Variants in DKK2 observed in about 807,000 individuals in gnomAD.
DKK2 encodes the protein dickkopf Wnt signaling pathway inhibitor 2.
A neutral mutation model predicts 28.1 loss-of-function variants in DKK2; 11 were observed. The ratio of observed to expected loss-of-function variants is 0.39; its 90% CI spans 0.25 to 0.65. The LOEUF (loss-of-function observed/expected upper bound fraction) is 0.65. Among genes scored for constraint, DKK2 ranks in the 30% least tolerant of loss-of-function variants. The pLI, the probability that DKK2 is intolerant of heterozygous loss-of-function variation, is 0.47. For missense variants in DKK2, 326 were observed against 335.5 expected (o/e 0.97, Z 0.22); for synonymous variants, 135 against 126.5 (o/e 1.07, Z -0.45).
chr4:106,949,572 G>T (rs1209790787), intron 1 of DKK2, among the ~76,000 whole-genome samples: 2 of 152,124 alleles, frequency 1.3e-5, no homozygotes, highest in Non-Finnish European at 2.9e-5. Context: ...TGACTGAGAG[G>T]CAGAATTTTA....
At chr4:107,025,329 T>A (rs1315697308) in intron 1 of DKK2, among the ~76,000 whole-genome samples, 3 of 152,150 alleles carry the variant, frequency 2.0e-5, no homozygotes, top group Admixed American at 6.6e-5. Context: ...GATTTACATT[T>A]AAAAAATTTT....
rs941013716 is a variant in DKK2, at chr4:106,922,927, A to T, written c.*1027T>A. The T allele has an allele frequency of 6.6e-6, 1 of 152,206 alleles. No homozygotes were observed. The highest frequency in any genetic ancestry group is 2.4e-5 in the African/African-American group (1 of 41,474). The allele number at this position is 152,206 out of a possible 1,614,324, so 9.4% of individuals were successfully genotyped here. A position where few individuals can be genotyped will look rare whatever the true frequency, so the allele number is the denominator to read the frequency against. Reference sequence around the variant, plus strand: ...TCTTGCTTACTCCAGTGCAGTACAGATCCAGCTCAAGTCTCTATTACCACA... The same window carrying T: ...TCTTGCTTACTCCAGTGCAGTACAGTTCCAGCTCAAGTCTCTATTACCACA... On this transcript the variant is annotated 3_prime_UTR_variant, in exon 4 of 4. Transcript: ENST00000285311.
intron 1 of DKK2, among the ~76,000 whole-genome samples, chr4:107,015,865 C>A (rs531027941): frequency 6.6e-6 from 1 of 151,828 alleles, no homozygotes; most frequent in South Asian, 2.1e-4. Flanking sequence ...AAAGCAGATG[C>A]CTTTGTTTGC....
intron 1 of DKK2, among the ~76,000 whole-genome samples, chr4:106,941,961 A>T (rs970990692): frequency 1.3e-5 from 2 of 152,160 alleles, no homozygotes; most frequent in Admixed American, 6.6e-5. Context: ...TCCTACCAGC[A>T]TAAATTAATT....
intron 1 of DKK2, among the ~76,000 whole-genome samples, chr4:106,953,496 A>C (rs1722528496): frequency 6.6e-6 from 1 of 152,184 alleles, no homozygotes; most frequent in Non-Finnish European, 1.5e-5. Flanking sequence ...GGAGCAAAGA[A>C]GGCTTTAACC....
rs567834764 is a variant in DKK2 at position 107,013,533 on chromosome 4, C to A, written c.222+21837G>T. Among the ~76,000 whole-genome samples, 32 of 151,390 alleles carry A rather than the reference C, an allele frequency of 2.1e-4. No homozygotes were observed. In the South Asian group the frequency reaches 6.2e-3, roughly 29 times the overall value. ...GACTATCTCTCACATACATAAAAAT[C>A]AACTTAGAATGGATTAACTACTTAA... On this transcript the variant is annotated intron_variant, in intron 1 of 3. Transcript: ENST00000285311.
rs1044773213 is a variant in DKK2 at position 106,973,002 on chromosome 4, T to A, written c.223-47053A>T. 5.9e-5 allele frequency among the ~76,000 whole-genome samples: 9 copies of A among 152,276 alleles called. 1 individual carries two copies. The highest frequency in any genetic ancestry group is 5.9e-4 in the Admixed American group (9 of 15,280). On this transcript the variant is annotated intron_variant, in intron 1 of 3. Transcript: ENST00000285311. ...AGAACACATGGTGTTTTGTTTTCTG[T>A]TCCTGTGTTACTTTGCTGAGAATGA...
intron 1 of DKK2, among the ~76,000 whole-genome samples, chr4:106,929,696 T>C (rs1369970587): frequency 1.3e-5 from 2 of 152,206 alleles, no homozygotes; most frequent in African/African-American, 4.8e-5. Context: ...GAAAAACACA[T>C]TGGACACATT....
At chr4:106,973,005 CTG>C (rs1479626044) in intron 1 of DKK2, among the ~76,000 whole-genome samples, 1 of 152,010 alleles carries the variant, frequency 6.6e-6, no homozygotes, top group African/African-American at 2.4e-5. Context: ...TTTTCTGTTC[CTG>C]TGTTACTTTG....
rs145358591 is a variant in DKK2, at chr4:106,927,066, GA to G, written c.223-1118del. Among the ~76,000 whole-genome samples, 693 of 151,936 alleles carry G rather than the reference GA, an allele frequency of 4.6e-3. 4 individuals carry two copies. Among genetic ancestry groups the G allele is most frequent in the African/African-American group, 0.016 (663 of 41,412 alleles). ...CAGAGTAATAGATGATTTTTTAATT[GA>G]AAATACAAAATATAAAATAAGCTAT... is the stretch of plus-strand genomic sequence containing the variant. On this transcript the variant is annotated intron_variant, in intron 1 of 3. Transcript: ENST00000285311.
intron 1 of DKK2, among the ~76,000 whole-genome samples, chr4:107,030,191 A>G (rs554851360): frequency 6.6e-6 from 1 of 152,204 alleles, no homozygotes; most frequent in South Asian, 2.1e-4. Context: ...AGAACCTACC[A>G]AATGCTGTAT....
At chr4:106,953,935 A>C (rs1722541057) in intron 1 of DKK2, among the ~76,000 whole-genome samples, 1 of 152,288 alleles carries the variant, frequency 6.6e-6, no homozygotes, top group Admixed American at 6.5e-5. Flanking sequence ...GGTGAGGAAA[A>C]TCCAGGTCTT....
intron 1 of DKK2, among the ~76,000 whole-genome samples, chr4:106,929,134 T>G (rs778748954): frequency 2.0e-5 from 3 of 152,216 alleles, no homozygotes; most frequent in African/African-American, 7.2e-5. Context: ...AAGCAACAAA[T>G]AAGCTTGAAT....
At chr4:106,947,765 ACTAGGCTCAAGCAATCCTCCC>A (rs1357298489) in intron 1 of DKK2, among the ~76,000 whole-genome samples, 1 of 149,846 alleles carries the variant, frequency 6.7e-6, no homozygotes, top group Non-Finnish European at 1.5e-5. Context: ...ACCTCGAACT[ACTAGGCTCAAGCAATCCTCCC>A]CTCTCAGTCT....
At chr4:106,972,955 G>T (rs79339570) in intron 1 of DKK2, among the ~76,000 whole-genome samples, 8 of 151,984 alleles carry the variant, frequency 5.3e-5, no homozygotes, top group Admixed American at 1.3e-4. Context: ...TGTTCTCATT[G>T]TTCCACTCCT....
chr4:106,964,478 A>G (rs1186872740), intron 1 of DKK2, among the ~76,000 whole-genome samples: 1 of 152,138 alleles, frequency 6.6e-6, no homozygotes, highest in South Asian at 2.1e-4. Context: ...ACAATAATTT[A>G]TTGTATTTTT....
At position 107,035,277 on chromosome 4, in the gene DKK2, C is replaced by G. The variant is rs573277953; in HGVS notation, c.222+93G>C. The G allele has an allele frequency of 1.1e-5, 16 of 1,431,952 alleles. No individual in the cohort carries two copies. In the East Asian group the frequency reaches 3.8e-4, roughly 34 times the overall value. The allele number at this position is 1,431,952 out of a possible 1,614,324, so 88.7% of individuals were successfully genotyped here. On this transcript the variant is annotated intron_variant, in intron 1 of 3. Transcript: ENST00000285311. ...TGTTCTCTGTATCTGGGGCCACGCT[C>G]CGAATGTTGCAAGATGCAATGGCAA...
intron 1 of DKK2, among the ~76,000 whole-genome samples, chr4:106,947,678 T>TC (rs1421872668): frequency 8.7e-5 from 13 of 150,178 alleles, no homozygotes; most frequent in Non-Finnish European, 1.3e-4. Flanking sequence ...TTTCTTTCTT[T>TC]TTTTTTTTTT....
At chr4:106,964,203 A>G (rs1451496570) in intron 1 of DKK2, among the ~76,000 whole-genome samples, 2 of 152,192 alleles carry the variant, frequency 1.3e-5, no homozygotes, top group African/African-American at 2.4e-5. Flanking sequence ...GCTATTGAAA[A>G]CAACATGGAT....
Sources: gnomAD v4.1 joint callset for allele counts (sites outside exome capture counted in the v4.1 genomes callset) on GRCh38, gnomAD v4.1.1 for gene constraint, MANE v1.5 for transcripts, NCBI Gene and HGNC (gene_info 2026-07-23, HGNC 2026-07-21) for gene names.